The following LNPEP variants were observed in gnomAD, a reference collection of about 807,000 sequenced individuals.
LNPEP encodes leucyl and cystinyl aminopeptidase.
Under a neutral mutation model 120.6 loss-of-function variants are expected in LNPEP, and 64 were observed. The observed-to-expected ratio is 0.53, with a 90% CI of 0.43 to 0.65. LNPEP has a LOEUF of 0.65. Among genes scored for constraint, LNPEP ranks in the 30% least tolerant of loss-of-function variants. The pLI, the probability that LNPEP is intolerant of heterozygous loss-of-function variation, is 0.00. For synonymous variants in LNPEP, 435 were observed against 425.4 expected (o/e 1.02, Z -0.28); for missense variants, 1,057 against 1,200.0 (o/e 0.88, Z 1.76).
chr5:96,952,231 A>G (rs543867371), intron 1 of LNPEP, among the ~76,000 whole-genome samples: 3 of 152,318 alleles, frequency 2.0e-5, no homozygotes, highest in African/African-American at 7.2e-5. Flanking sequence ...TGTTTGGCTT[A>G]ATAGAATACA....
rs560706314 is a variant in LNPEP at position 96,936,268 on chromosome 5, C to T, written c.19+94C>T. On this transcript the variant is annotated intron_variant, in intron 1 of 17. Coordinates refer to ENST00000231368, the MANE Select transcript of LNPEP (RefSeq NM_005575.3). ...ACGCGGGGTCGGGCTGCAGCCGTCT[C>T]CCCCAACACCGCGGGCTTCCCACGA... 9.4e-4 allele frequency: 989 copies of T among 1,052,882 alleles called. 3 individuals carry two copies. In the Middle Eastern group the frequency reaches 0.017, roughly 18 times the overall value. 65.2% of individuals were successfully genotyped at this position (1,052,882 alleles called of 1,614,324 possible). A position where few individuals can be genotyped will look rare whatever the true frequency, so the allele number is the denominator to read the frequency against.
intron 7 of LNPEP, among the ~76,000 whole-genome samples, chr5:96,997,435 A>G (rs1790539764): frequency 6.6e-6 from 1 of 152,126 alleles, no homozygotes; most frequent in Non-Finnish European, 1.5e-5. Flanking sequence ...GTAATGAGAT[A>G]CACAGTTTGA....
At chr5:96,994,560 G>T (rs1056491650) in intron 6 of LNPEP, among the ~76,000 whole-genome samples, 1 of 151,606 alleles carries the variant, frequency 6.6e-6, no homozygotes, top group African/African-American at 2.4e-5. Context: ...CTGTTTGTAT[G>T]ACATGGAGAG....
intron 1 of LNPEP, among the ~76,000 whole-genome samples, chr5:96,972,284 C>A (rs906798708): frequency 6.6e-6 from 1 of 152,032 alleles, no homozygotes; most frequent in Non-Finnish European, 1.5e-5. Context: ...GGCTTTGTTA[C>A]TATGGATCTA....
At chr5:96,986,508 T>G (rs757951784) in intron 3 of LNPEP, 31 bp from the exon 4 acceptor site, 1 of 1,602,992 alleles carries the variant, frequency 6.2e-7, no homozygotes, top group East Asian at 2.2e-5. Flanking sequence ...TTCCTATAGT[T>G]ACAGAACTGT....
chr5:96,941,272 A>G (rs562688398), intron 1 of LNPEP, among the ~76,000 whole-genome samples: 16 of 152,242 alleles, frequency 1.1e-4, no homozygotes, highest in African/African-American at 3.9e-4. Context: ...ATGGGGACTG[A>G]CTGTAGAGAT....
chr5:97,017,873 T>A (rs777445282), intron 13 of LNPEP, among the ~76,000 whole-genome samples: 3 of 152,162 alleles, frequency 2.0e-5, no homozygotes, highest in Admixed American at 1.3e-4. Flanking sequence ...AGGAAGAATC[T>A]GTTCCATTCC....
At chr5:96,960,199 A>C (rs1454469388) in intron 1 of LNPEP, among the ~76,000 whole-genome samples, 1 of 152,072 alleles carries the variant, frequency 6.6e-6, no homozygotes, top group African/African-American at 2.4e-5. Context: ...TGGCCTCCCA[A>C]AGTGCTGAGA....
intron 4 of LNPEP, among the ~76,000 whole-genome samples, chr5:96,988,978 G>A (rs1790308286): frequency 6.6e-6 from 1 of 151,888 alleles, no homozygotes; most frequent in South Asian, 2.1e-4. Context: ...ATTATTCATT[G>A]CCCACATACA....
intron 9 of LNPEP, among the ~76,000 whole-genome samples, 153 bp from the exon 10 acceptor site, chr5:97,005,920 A>G: frequency 6.6e-6 from 1 of 152,124 alleles, no homozygotes; most frequent in Non-Finnish European, 1.5e-5. Context: ...TAAACTCAAC[A>G]TTCATGTTTC....
At chr5:97,013,198 C>T in intron 11 of LNPEP, among the ~76,000 whole-genome samples, 1 of 152,276 alleles carries the variant, frequency 6.6e-6, no homozygotes, top group East Asian at 1.9e-4. Context: ...CCAACACCTA[C>T]ATATTTTGAG....
chr5:96,951,015 C>G (rs1789307135), intron 1 of LNPEP, among the ~76,000 whole-genome samples: 1 of 152,190 alleles, frequency 6.6e-6, no homozygotes, highest in East Asian at 1.9e-4. Flanking sequence ...AAGGGGCCAC[C>G]ATAGTTAGTT....
intron 4 of LNPEP, among the ~76,000 whole-genome samples, chr5:96,988,334 C>CTTT (rs1293064236): frequency 3.5e-5 from 4 of 115,488 alleles, no homozygotes; most frequent in African/African-American, 1.4e-4. Context: ...TTTTCTTTTT[C>CTTT]TTTTCTTTTT....
intron 4 of LNPEP, among the ~76,000 whole-genome samples, chr5:96,988,719 C>CGGGA (rs1313643833): frequency 6.6e-6 from 1 of 152,042 alleles, no homozygotes; most frequent in African/African-American, 2.4e-5. Context: ...AAGTGATTCT[C>CGGGA]TCCCAAGTCA....
chr5:96,948,280 G>T (rs952597119), intron 1 of LNPEP, among the ~76,000 whole-genome samples: 4 of 152,054 alleles, frequency 2.6e-5, no homozygotes, highest in Non-Finnish European at 4.4e-5. Context: ...ACCATGCCCG[G>T]CTAATTTTTA....
At position 96,979,366 on chromosome 5, in the gene LNPEP, A is replaced by G; in HGVS notation, c.248A>G (p.Asn83Ser). ...SAKLLGMSFM[N>S]RSSGLRNSAT... ...AAGCTGCTGGGCATGTCCTTCATGA[A>G]TAGAAGCTCAGGCCTTCGGAACAGT... The change falls in exon 2 of 18, where the codon AAT becomes AGT. Residue 83 changes from asparagine to serine, a missense_variant. Physicochemically the swap from Asn to Ser is conservative, Grantham distance 46 (BLOSUM62 1). Coordinates refer to ENST00000231368, the MANE Select transcript of LNPEP (RefSeq NM_005575.3). 1.2e-6 allele frequency: 2 copies of G among 1,614,074 alleles called. No individual in the cohort carries two copies. The highest frequency in any genetic ancestry group is 1.7e-6 in the Non-Finnish European group (2 of 1,179,966).
chr5:96,978,119 AT>A (rs1328043501), intron 1 of LNPEP, among the ~76,000 whole-genome samples: 1 of 152,150 alleles, frequency 6.6e-6, no homozygotes, highest in Non-Finnish European at 1.5e-5. Context: ...GGAGGTTTCA[AT>A]TTGATAACTT....
At position 96,979,859 on chromosome 5, in the gene LNPEP, C is replaced by T. The variant is rs1311988084; in HGVS notation, c.741C>T (p.Ala247=). 1.2e-6 allele frequency: 2 copies of T among 1,613,780 alleles called. No individual in the cohort carries two copies. Among genetic ancestry groups the T allele is most frequent in the Non-Finnish European group, 1.7e-6 (2 of 1,179,916 alleles). Residue 247 remains alanine (A), a synonymous_variant, in exon 2 of 18, where the codon GCC becomes GCT. Transcript: ENST00000231368. ...YAYHGQIAIV[A]PEALLAGHNY... is the part of the protein sequence containing the mutation. ...ATCATGGACAGATCGCCATTGTTGC[C>T]CCCGAAGCCCTTCTAGCAGGGCACA...
At chr5:96,987,253 G>A (rs943722965) in intron 4 of LNPEP, among the ~76,000 whole-genome samples, 2 of 152,020 alleles carry the variant, frequency 1.3e-5, no homozygotes, top group Non-Finnish European at 1.5e-5. Flanking sequence ...GTACCTGTTT[G>A]TAAATGATTA....
Sources: allele counts gnomAD v4.1 joint callset (sites outside exome capture counted in the v4.1 genomes callset), GRCh38; gene constraint gnomAD v4.1.1; transcripts MANE v1.5; gene names NCBI Gene and HGNC (gene_info 2026-07-23, HGNC 2026-07-21).